Variants in GPC5 observed in about 807,000 individuals in gnomAD.
The protein encoded by GPC5 is glypican-5.
A neutral mutation model predicts 53.9 loss-of-function variants in GPC5; 47 were observed. The observed-to-expected ratio is 0.87, with a 90% CI of 0.69 to 1.11. The LOEUF (loss-of-function observed/expected upper bound fraction) is 1.11. GPC5 is among the 50% of genes most tolerant of loss of function. The probability of loss-of-function intolerance (pLI) is 0.00; values close to 1 mark genes in which losing one functional copy is unlikely to be tolerated. For synonymous variants in GPC5, 286 were observed against 263.3 expected, an observed-to-expected ratio of 1.09 and a Z score of -0.84; for missense variants, 748 against 713.1, an observed-to-expected ratio of 1.05 and a Z score of -0.56.
intron 6 of GPC5, among the ~76,000 whole-genome samples, chr13:92,036,124 C>T (rs1253977772): frequency 2.0e-5 from 3 of 152,136 alleles, no homozygotes. Flanking sequence ...ATTTATTAGT[C>T]TGTTGTCTAT....
At chr13:91,557,715 T>C (rs2031037011) in intron 2 of GPC5, among the ~76,000 whole-genome samples, 1 of 152,188 alleles carries the variant, frequency 6.6e-6, no homozygotes, top group African/African-American at 2.4e-5. Context: ...CAAAACTGCT[T>C]GAACAAGTAC....
chr13:92,135,712 C>A (rs1353153561), intron 6 of GPC5, among the ~76,000 whole-genome samples: 2 of 152,108 alleles, frequency 1.3e-5, no homozygotes, highest in Non-Finnish European at 2.9e-5. Flanking sequence ...TTGCATAAAC[C>A]AAATGCCAAC....
At chr13:91,752,301 T>A (rs962128316) in intron 4 of GPC5, among the ~76,000 whole-genome samples, 5 of 152,196 alleles carry the variant, frequency 3.3e-5, no homozygotes, top group African/African-American at 1.2e-4. Context: ...TCCAGGCTGG[T>A]CTCCAACTTC....
At chr13:91,712,489 G>A (rs945365038) in intron 3 of GPC5, among the ~76,000 whole-genome samples, 12 of 152,036 alleles carry the variant, frequency 7.9e-5, no homozygotes, top group African/African-American at 2.9e-4. Flanking sequence ...TCCATAATAT[G>A]TAATATGGAT....
chr13:91,414,584 G>A (rs1260595903), intron 1 of GPC5, among the ~76,000 whole-genome samples: 1 of 152,206 alleles, frequency 6.6e-6, no homozygotes, highest in Non-Finnish European at 1.5e-5. Context: ...AAGGGACAAT[G>A]AAGACAAAGG....
At chr13:92,783,191 G>C (rs1876095296) in intron 7 of GPC5, among the ~76,000 whole-genome samples, 2 of 152,030 alleles carry the variant, frequency 1.3e-5, no homozygotes, top group South Asian at 4.1e-4. Flanking sequence ...TCATGACTCA[G>C]GTATCTTCTG....
chr13:92,761,909 G>A (rs902872350), intron 7 of GPC5, among the ~76,000 whole-genome samples: 7 of 152,082 alleles, frequency 4.6e-5, no homozygotes, highest in African/African-American at 1.7e-4. Flanking sequence ...AAACCTGGCA[G>A]CTGAGAATAT....
At chr13:92,250,033 TAAATAC>T in intron 7 of GPC5, among the ~76,000 whole-genome samples, 1 of 152,280 alleles carries the variant, frequency 6.6e-6, no homozygotes, top group Non-Finnish European at 1.5e-5. Context: ...CAATGGATAA[TAAATAC>T]TTCTTCATTT....
At chr13:92,848,225 G>T (rs181605375) in intron 7 of GPC5, among the ~76,000 whole-genome samples, 2 of 152,144 alleles carry the variant, frequency 1.3e-5, no homozygotes, top group African/African-American at 2.4e-5. Context: ...TTGAATTTTT[G>T]TATCTATCCT....
In GPC5 at chr13:92,044,092, G is replaced by T. The variant is rs555789951; in HGVS notation, c.1402-100738G>T. 3.3e-5 allele frequency among the ~76,000 whole-genome samples: 5 copies of T among 152,162 alleles called. No individual in the cohort carries two copies. In the South Asian group the frequency reaches 1.0e-3, roughly 32 times the overall value. On this transcript the variant is annotated intron_variant, in intron 6 of 7. Coordinates refer to ENST00000377067, the MANE Select transcript of GPC5 (RefSeq NM_004466.6). ...AGTTCAATCCCCTTTGCTCTCATAA[G>T]CTCCCCAGGTCCTGGCGTTATTCTT...
intron 5 of GPC5, among the ~76,000 whole-genome samples, chr13:91,814,845 C>T (rs2038375866): frequency 6.6e-6 from 1 of 152,132 alleles, no homozygotes; most frequent in African/African-American, 2.4e-5. Context: ...CTGGCCACAG[C>T]TTTATTTTTT....
At chr13:91,765,410 G>C (rs955582220) in intron 5 of GPC5, among the ~76,000 whole-genome samples, 3 of 152,218 alleles carry the variant, frequency 2.0e-5, no homozygotes, top group Admixed American at 2.0e-4. Context: ...GCACCTCACT[G>C]AAAGTGAGGG....
chr13:92,693,336 C>A (rs1417636680), intron 7 of GPC5, among the ~76,000 whole-genome samples: 2 of 152,130 alleles, frequency 1.3e-5, no homozygotes, highest in Non-Finnish European at 2.9e-5. Context: ...TTAGAAGGCT[C>A]ATAATAAGAT....
chr13:92,583,073 C>T (rs4555002), intron 7 of GPC5, among the ~76,000 whole-genome samples: 77,809 of 151,932 alleles, frequency 0.51, 21,957 homozygotes, highest in African/African-American at 0.76. Context: ...TTCCTGATCA[C>T]AGAGGAAAAG....
At chr13:92,831,719 C>T (rs1415646613) in intron 7 of GPC5, among the ~76,000 whole-genome samples, 1 of 152,170 alleles carries the variant, frequency 6.6e-6, no homozygotes, top group African/African-American at 2.4e-5. Context: ...GATCCAGGAG[C>T]TCCAATAATG....
intron 5 of GPC5, among the ~76,000 whole-genome samples, chr13:91,769,023 C>G (rs1022872631): frequency 3.9e-5 from 5 of 126,846 alleles, no homozygotes; most frequent in African/African-American, 1.6e-4. Context: ...TTCTCTCTCT[C>G]TTTCTCTCTC....
chr13:92,174,422 C>T (rs557041699), intron 7 of GPC5, among the ~76,000 whole-genome samples: 2 of 151,626 alleles, frequency 1.3e-5, no homozygotes, highest in East Asian at 3.9e-4. Context: ...GTATTCCCAG[C>T]TACTCGGGAG....
intron 3 of GPC5, among the ~76,000 whole-genome samples, chr13:91,696,399 C>G (rs960277753): frequency 1.3e-5 from 2 of 152,026 alleles, no homozygotes; most frequent in African/African-American, 4.8e-5. Context: ...CTCTTTTTTA[C>G]TTATGGGAAC....
intron 3 of GPC5, among the ~76,000 whole-genome samples, chr13:91,727,241 A>G (rs553166237): frequency 6.6e-6 from 1 of 152,324 alleles, no homozygotes; most frequent in Admixed American, 6.5e-5. Flanking sequence ...AATAAACCTC[A>G]ACATATCCAG....
Sources: allele counts gnomAD v4.1 joint callset (sites outside exome capture counted in the v4.1 genomes callset), GRCh38; gene constraint gnomAD v4.1.1; transcripts MANE v1.5; gene names NCBI Gene and HGNC (gene_info 2026-07-23, HGNC 2026-07-21).